Variants in BBOX1 observed in about 807,000 individuals in gnomAD.
The protein encoded by BBOX1 is gamma-butyrobetaine dioxygenase.
Under a neutral mutation model 41.6 loss-of-function variants are expected in BBOX1, and 35 were observed. The observed-to-expected ratio is 0.84, with a 90% CI of 0.64 to 1.11. The LOEUF is 1.11. Among genes scored for constraint, BBOX1 ranks in the 50% most tolerant of loss-of-function variants. The pLI is 0.00. For missense variants in BBOX1, 458 were observed against 460.6 expected (o/e 0.99, Z 0.05); for synonymous variants, 163 against 154.7 (o/e 1.05, Z -0.40).
intron 2 of BBOX1, among the ~76,000 whole-genome samples, chr11:27,049,399 C>A (rs1310063214): frequency 6.6e-6 from 1 of 151,852 alleles, no homozygotes; most frequent in Non-Finnish European, 1.5e-5. Flanking sequence ...CATTTCCTTG[C>A]CTATTTTTAA....
Position 27,069,746 on chromosome 11 carries a change from T to C in BBOX1, c.334+12431T>C, listed in dbSNP as rs148923714. The stretch of plus-strand genomic sequence containing the variant: ...GCCTTTAACTTTTCTCCATTCAGTA[T>C]GATGTTGGCTGATGGTTTGTTATAT... On this transcript the variant is annotated intron_variant, in intron 4 of 8. Transcript: ENST00000263182. 4.4e-3 allele frequency among the ~76,000 whole-genome samples: 663 copies of C among 152,276 alleles called. 4 individuals are homozygous for C. The highest frequency in any genetic ancestry group is 0.015 in the Admixed American group (235 of 15,300).
intron 5 of BBOX1, among the ~76,000 whole-genome samples, chr11:27,096,888 C>T (rs1283360517): frequency 6.6e-6 from 1 of 151,934 alleles, no homozygotes; most frequent in Non-Finnish European, 1.5e-5. Context: ...ATCAAAATGG[C>T]AATAACTTTC....
chr11:27,057,063 T>TG (rs1459422645), intron 3 of BBOX1, 138 bp from the exon 4 acceptor site: 1 of 146,550 alleles, frequency 6.8e-6, no homozygotes. Context: ...AGACTCCGAC[T>TG]TAAAAAAAAA....
At chr11:27,115,717 T>G (rs929536476) in intron 6 of BBOX1, among the ~76,000 whole-genome samples, 160 bp downstream of exon 6, 4 of 151,980 alleles carry the variant, frequency 2.6e-5, no homozygotes, top group African/African-American at 9.7e-5. Flanking sequence ...ACCTAAATCC[T>G]AAATATCTTC....
intron 8 of BBOX1, among the ~76,000 whole-genome samples, chr11:27,126,954 G>A (rs1859683237): frequency 6.6e-6 from 1 of 152,148 alleles, no homozygotes; most frequent in Non-Finnish European, 1.5e-5. Context: ...GATTACAGGC[G>A]TGAGCCACCG....
At chr11:27,125,545 G>T (rs554595086) in intron 7 of BBOX1, 109 bp from the exon 8 acceptor site, 1 of 975,000 alleles carries the variant, frequency 1.0e-6, no homozygotes, top group South Asian at 2.3e-5. Context: ...CATGTATTTG[G>T]ATTTTTTAAT....
In BBOX1 at chr11:27,118,654, A is replaced by C. The variant is rs754614567; in HGVS notation, c.640-995A>C. On this transcript the variant is annotated intron_variant, in intron 6 of 8. Coordinates refer to ENST00000263182, the MANE Select transcript of BBOX1 (RefSeq NM_003986.3). Reference sequence around the variant, plus strand: ...TGGGTTTTATACATGACAGGCATGTATTTGCGTTTTAACCTAGCAATAAAA... The same window carrying C: ...TGGGTTTTATACATGACAGGCATGTCTTTGCGTTTTAACCTAGCAATAAAA... Among the ~76,000 whole-genome samples the C allele has an allele frequency of 1.2e-3, 186 of 152,120 alleles. 1 individual carries two copies. Among genetic ancestry groups the C allele is most frequent in the South Asian group, 9.3e-3 (45 of 4,822 alleles).
At chr11:27,071,939 T>G (rs1475202734) in intron 4 of BBOX1, among the ~76,000 whole-genome samples, 1 of 149,866 alleles carries the variant, frequency 6.7e-6, no homozygotes, top group East Asian at 1.9e-4. Flanking sequence ...TAAGAGCTAT[T>G]TATGACAAAC....
At chr11:27,104,395 T>TCTCTATCCCC (rs1359345353) in intron 5 of BBOX1, among the ~76,000 whole-genome samples, 2 of 152,168 alleles carry the variant, frequency 1.3e-5, no homozygotes, top group Non-Finnish European at 2.9e-5. Flanking sequence ...TATTTCCTGG[T>TCTCTATCCCC]TCATGGGAAT....
intron 4 of BBOX1, among the ~76,000 whole-genome samples, chr11:27,067,270 A>G (rs1215589690): frequency 2.0e-5 from 3 of 151,968 alleles, no homozygotes; most frequent in African/African-American, 7.3e-5. Context: ...TTTTTTTATT[A>G]CATAAATGAA....
intron 4 of BBOX1, among the ~76,000 whole-genome samples, chr11:27,069,556 C>T (rs1211869667): frequency 6.6e-6 from 1 of 151,942 alleles, no homozygotes; most frequent in East Asian, 1.9e-4. Context: ...ATTTGGTTGC[C>T]CTTTTTTCTT....
In BBOX1 at chr11:27,100,775, T is replaced by G. The variant is rs17309656; in HGVS notation, c.533+7409T>G. The stretch of plus-strand genomic sequence containing the variant: ...AAATAATTTCTGTGTCTCATGCTCT[T>G]TTAGAAATCACTTGAGGAAATGTAT... On this transcript the variant is annotated intron_variant, in intron 5 of 8. Coordinates refer to ENST00000263182, the MANE Select transcript of BBOX1 (RefSeq NM_003986.3). Among the ~76,000 whole-genome samples the G allele has an allele frequency of 4.9e-4, 75 of 152,070 alleles. 2 individuals are homozygous for G. The East Asian group carries it at 0.013, about 26-fold the overall frequency.
In BBOX1 at chr11:27,119,509, G is replaced by A. The variant is rs558550546; in HGVS notation, c.640-140G>A. 54 of 493,716 alleles carry A rather than the reference G, an allele frequency of 1.1e-4. No individual in the cohort carries two copies. The African/African-American group carries it at 1.1e-3, about 10-fold the overall frequency. 30.6% of individuals were successfully genotyped at this position (493,716 alleles called of 1,614,324 possible). ...GTTTATTGGCTTTGGTTCATTCATAGCTTTTTGAATCTTTAACACAGTATC... is the reference window on the plus strand; with the variant it reads ...GTTTATTGGCTTTGGTTCATTCATAACTTTTTGAATCTTTAACACAGTATC... On this transcript the variant is annotated intron_variant, in intron 6 of 8. Coordinates refer to ENST00000263182, the MANE Select transcript of BBOX1 (RefSeq NM_003986.3).
At chr11:27,059,400 G>A (rs1857074844) in intron 4 of BBOX1, among the ~76,000 whole-genome samples, 1 of 152,216 alleles carries the variant, frequency 6.6e-6, no homozygotes, top group Non-Finnish European at 1.5e-5. Flanking sequence ...AAGAAAGCCT[G>A]GGTGCCCAAG....
intron 7 of BBOX1, among the ~76,000 whole-genome samples, chr11:27,125,364 C>T (rs1859613505): frequency 2.0e-5 from 3 of 151,934 alleles, no homozygotes; most frequent in African/African-American, 7.3e-5. Flanking sequence ...GAATGAATGA[C>T]TTTAACTAAG....
intron 5 of BBOX1, among the ~76,000 whole-genome samples, chr11:27,102,061 C>A (rs1283767893): frequency 2.0e-5 from 3 of 151,912 alleles, no homozygotes; most frequent in Non-Finnish European, 2.9e-5. Context: ...TTCAGACAAC[C>A]AAAATGAATA....
chr11:27,086,556 G>A (rs1397429206), intron 4 of BBOX1, among the ~76,000 whole-genome samples: 3 of 152,116 alleles, frequency 2.0e-5, no homozygotes, highest in Non-Finnish European at 2.9e-5. Context: ...ACTTTTCACT[G>A]ACAATGTAAC....
At position 27,055,492 on chromosome 11, in the gene BBOX1, G is replaced by C; in HGVS notation, c.62G>C (p.Trp21Ser). Reference sequence around the variant, plus strand: ...GGGGCTCATTTGATGCAGATCCTCTGGTATGATGAGGAAGAGTCTCTCTAC... The same window carrying C: ...GGGGCTCATTTGATGCAGATCCTCTCGTATGATGAGGAAGAGTCTCTCTAC... ...LDGAHLMQIL[W>S]YDEEESLYPA... The change falls in exon 3 of 9, where the codon TGG (tryptophan) becomes TCG (serine). Residue 21 changes from tryptophan to serine, a missense_variant. Trp to Ser is a radical substitution (Grantham distance 177, BLOSUM62 -3). Coordinates refer to ENST00000263182, the MANE Select transcript of BBOX1 (RefSeq NM_003986.3). The C allele has an allele frequency of 6.2e-7, 1 of 1,614,170 alleles. No individual in the cohort carries two copies. Among genetic ancestry groups the C allele is most frequent in the Non-Finnish European group, 8.5e-7 (1 of 1,180,040 alleles).
At position 27,040,838 on chromosome 11, in the gene BBOX1, G is replaced by A. The variant is rs1216608905; in HGVS notation, c.-492G>A. On this transcript the variant is annotated 5_prime_UTR_variant, in exon 1 of 9. Coordinates refer to ENST00000263182, the MANE Select transcript of BBOX1 (RefSeq NM_003986.3). ...TCATATTGGAATACTCTGTTGACAA[G>A]TAGATACCACTTCACCTCTGCTAGG... The A allele has an allele frequency of 6.6e-6, 1 of 152,184 alleles. No individual in the cohort carries two copies. The highest frequency in any genetic ancestry group is 1.9e-4 in the East Asian group (1 of 5,178). The allele number at this position is 152,184 out of a possible 1,614,324, so 9.4% of individuals were successfully genotyped here.
Sources: allele counts gnomAD v4.1 joint callset (sites outside exome capture counted in the v4.1 genomes callset), GRCh38; gene constraint gnomAD v4.1.1; transcripts MANE v1.5; gene names NCBI Gene and HGNC (gene_info 2026-07-23, HGNC 2026-07-21).